The following SAMD5 variants were observed in gnomAD, a reference collection of about 807,000 sequenced individuals.
SAMD5 encodes the protein sterile alpha motif domain containing 5, also known as sterile alpha motif domain-containing protein 5.
A neutral mutation model predicts 11.3 loss-of-function variants in SAMD5; 13 were observed. The observed-to-expected ratio is 1.15, with a 90% CI of 0.75 to 1.83. The LOEUF (loss-of-function observed/expected upper bound fraction) is 1.83. Among genes scored for constraint, SAMD5 ranks in the 40% most tolerant of loss-of-function variants. The pLI is 0.00. For missense variants in SAMD5, 255 were observed against 239.1 expected (o/e 1.07, Z -0.44); for synonymous variants, 129 against 111.3 (o/e 1.16, Z -1.00).
chr6:147,787,927 C>A, the SAMD5 span, among the ~76,000 whole-genome samples: 251 of 152,226 alleles, frequency 1.6e-3, 1 homozygote, highest in African/African-American at 5.9e-3. Flanking sequence ...TTTTGGGCTT[C>A]TTTGTCAGCT....
the SAMD5 span, among the ~76,000 whole-genome samples, chr6:147,865,310 ATAAGTGTGTGTGTGTGTGTG>A: frequency 8.0e-6 from 1 of 124,768 alleles, no homozygotes; most frequent in Non-Finnish European, 1.7e-5. Flanking sequence ...ATGTAGGTAT[ATAAGTGTGTGTGTGTGTGTG>A]TGTGTGTGTG....
chr6:147,676,572 C>A (rs1365762566), intron 1 of SAMD5, among the ~76,000 whole-genome samples: 3 of 152,046 alleles, frequency 2.0e-5, no homozygotes, highest in Admixed American at 2.0e-4. Context: ...GTGAATTCAA[C>A]GAGGGTAGGG....
Position 147,509,083 on chromosome 6 carries a change from G to A in SAMD5, c.155G>A (p.Arg52His). 6.3e-7 allele frequency: 1 copy of A among 1,597,820 alleles called. No homozygotes were observed. The highest frequency in any genetic ancestry group is 2.3e-5 in the East Asian group (1 of 43,312). Reference sequence around the variant, plus strand: ...ATCGGGGTGCTGGCGCCCGCGCACCGCCGCCGTATCCTGGAGGCCGTGCGC... The same window carrying A: ...ATCGGGGTGCTGGCGCCCGCGCACCACCGCCGTATCCTGGAGGCCGTGCGC... ...DAIGVLAPAH[R>H]RRILEAVRRL... is the part of the protein sequence containing the mutation. The change falls in exon 1 of 2, where the codon CGC becomes CAC. Residue 52 changes from arginine (R) to histidine (H), a missense_variant. By Grantham distance (29) the Arg-to-His change is conservative. Coordinates refer to ENST00000367474, the MANE Select transcript of SAMD5 (RefSeq NM_001030060.3).
chr6:147,545,281 T>G (rs1042795498), intron 1 of SAMD5, among the ~76,000 whole-genome samples: 1 of 152,232 alleles, frequency 6.6e-6, no homozygotes, highest in Non-Finnish European at 1.5e-5. Context: ...TTAGATTAAT[T>G]ATAATCTTGT....
chr6:147,630,617 A>G (rs1390088916), intron 1 of SAMD5, among the ~76,000 whole-genome samples: 2 of 150,318 alleles, frequency 1.3e-5, no homozygotes, highest in Admixed American at 6.6e-5. Flanking sequence ...CCCAAATCCT[A>G]TAAAACAGCC....
rs148197004 is a variant in SAMD5 at position 147,706,812 on chromosome 6, A to G, written c.163-30505A>G. Among the ~76,000 whole-genome samples the G allele has an allele frequency of 2.0e-5, 3 of 152,304 alleles. No individual in the cohort carries two copies. In the East Asian group the frequency reaches 5.8e-4, roughly 29 times the overall value. On this transcript the variant is annotated intron_variant, in intron 1 of 1. Coordinates refer to the SAMD5 transcript ENST00000566741. ...GTCCCTAAAATAGAAGCTAAAATTA[A>G]TGTTTCTCTAATTAATTCACTCATT...
chr6:147,620,732 T>G lies in SAMD5; in HGVS notation c.162+111345T>G, dbSNP rs144113329. ...AGCCATCGCCTCTGCTGGAAGGACG[T>G]GGCTGGCTTGGAGGCTTACCTCAGG... On this transcript the variant is annotated intron_variant, in intron 1 of 1. Coordinates refer to the SAMD5 transcript ENST00000566741. 8.5e-3 allele frequency among the ~76,000 whole-genome samples: 1,298 copies of G among 152,264 alleles called. 67 individuals carry two copies. Among genetic ancestry groups the G allele is most frequent in the Admixed American group, 0.073 (1,112 of 15,288 alleles).
chr6:147,600,483 G>A (rs1177115286), intron 1 of SAMD5, among the ~76,000 whole-genome samples: 1 of 152,146 alleles, frequency 6.6e-6, no homozygotes, highest in African/African-American at 2.4e-5. Flanking sequence ...CCCATTCTTG[G>A]GAGTTTCATA....
chr6:147,748,628 C>T, the SAMD5 span, among the ~76,000 whole-genome samples: 119 of 152,080 alleles, frequency 7.8e-4, no homozygotes, highest in Admixed American at 1.4e-3. Flanking sequence ...ACAGTGGGGC[C>T]ACAGTTTCAC....
chr6:147,816,944 G>GA, the SAMD5 span, among the ~76,000 whole-genome samples: 295 of 149,314 alleles, frequency 2.0e-3, no homozygotes, highest in African/African-American at 5.6e-3. Context: ...GAGACATGTA[G>GA]AAAAAAAAAA....
chr6:147,760,266 T>A, the SAMD5 span, among the ~76,000 whole-genome samples: 1 of 152,148 alleles, frequency 6.6e-6, no homozygotes, highest in East Asian at 1.9e-4. Context: ...CGAGCCGCAA[T>A]GGACAATTGA....
At chr6:147,860,060 C>T in the SAMD5 span, among the ~76,000 whole-genome samples, 1 of 152,040 alleles carries the variant, frequency 6.6e-6, no homozygotes, top group South Asian at 2.1e-4. Flanking sequence ...ATTTATCGTC[C>T]CACAGTTTAG....
At chr6:147,514,290 G>A (rs992267330) in intron 1 of SAMD5, among the ~76,000 whole-genome samples, 1 of 152,004 alleles carries the variant, frequency 6.6e-6, no homozygotes, top group African/African-American at 2.4e-5. Flanking sequence ...ACCTTTAGAG[G>A]TGTTACACCA....
intron 1 of SAMD5, among the ~76,000 whole-genome samples, chr6:147,648,086 A>AC (rs1790431440): frequency 6.6e-6 from 1 of 152,186 alleles, no homozygotes; most frequent in Non-Finnish European, 1.5e-5. Flanking sequence ...TTATAGAAGC[A>AC]GATTTGTGAA....
At chr6:147,842,596 A>G in the SAMD5 span, among the ~76,000 whole-genome samples, 4 of 152,076 alleles carry the variant, frequency 2.6e-5, no homozygotes, top group Non-Finnish European at 5.9e-5. Flanking sequence ...GAATTAGAAG[A>G]CCTGGCATGC....
At chr6:147,536,830 C>A (rs893279099) in intron 1 of SAMD5, among the ~76,000 whole-genome samples, 1 of 151,872 alleles carries the variant, frequency 6.6e-6, no homozygotes, top group African/African-American at 2.4e-5. Flanking sequence ...CAAATACAGT[C>A]CAAAGAAAAC....
At chr6:147,941,831 A>G in the SAMD5 span, among the ~76,000 whole-genome samples, 5 of 148,974 alleles carry the variant, frequency 3.4e-5, no homozygotes, top group South Asian at 4.6e-4. Flanking sequence ...TCAAACTAAA[A>G]TTGTGTGTGT....
At chr6:147,841,420 A>C in the SAMD5 span, among the ~76,000 whole-genome samples, 1 of 152,208 alleles carries the variant, frequency 6.6e-6, no homozygotes, top group South Asian at 2.1e-4. Context: ...GGGATTCAAG[A>C]TCGAGTTTAA....
chr6:147,899,189 A>AG, the SAMD5 span, among the ~76,000 whole-genome samples: 2 of 123,464 alleles, frequency 1.6e-5, no homozygotes, highest in African/African-American at 7.5e-5. Context: ...AAAAAAAAAA[A>AG]AAAAGATAAC....
Sources: allele counts gnomAD v4.1 joint callset (sites outside exome capture counted in the v4.1 genomes callset), GRCh38; gene constraint gnomAD v4.1.1; transcripts MANE v1.5; gene names NCBI Gene and HGNC (gene_info 2026-07-23, HGNC 2026-07-21).